Variants in TPRG1L observed in about 807,000 individuals in gnomAD.
TPRG1L encodes tumor protein p63-regulated gene 1-like protein.
In TPRG1L, 25 loss-of-function variants were observed where a neutral mutation model predicts 29.4. That is an observed-to-expected ratio of 0.85 (90% CI 0.62 to 1.19). TPRG1L has a LOEUF of 1.19. Among genes scored for constraint, TPRG1L ranks in the 50% most tolerant of loss-of-function variants. The pLI, the probability that TPRG1L is intolerant of heterozygous loss-of-function variation, is 0.00. For synonymous variants in TPRG1L, 182 were observed against 151.1 expected (o/e 1.20, Z -1.50); for missense variants, 354 against 364.4 (o/e 0.97, Z 0.23).
intron 4 of TPRG1L, among the ~76,000 whole-genome samples, chr1:3,628,082 C>T (rs1644501807): frequency 6.6e-6 from 1 of 152,230 alleles, no homozygotes; most frequent in Non-Finnish European, 1.5e-5. Context: ...ACTTCCCCAG[C>T]TGTGTGCCTC....
chr1:3,625,179 C>T lies in TPRG1L; in HGVS notation c.107C>T (p.Pro36Leu). The change falls in exon 1 of 5, where the codon CCG (proline) becomes CTG (leucine). Residue 36 changes from proline (P) to leucine (L), a missense_variant. Physicochemically the swap from Pro to Leu is moderately conservative, Grantham distance 98. Transcript: ENST00000378344. Reference protein sequence around the residue: ...GAGGGPGGGRPGAGTPLRQTL... With the variant: ...GAGGGPGGGRLGAGTPLRQTL... ...GGCGGCGGCCCGGGCGGGGGGCGGC[C>T]GGGGGCGGGGACGCCGCTGCGCCAG... is the stretch of plus-strand genomic sequence containing the variant. 8.1e-7 allele frequency: 1 copy of T among 1,241,098 alleles called. No individual in the cohort carries two copies. Among genetic ancestry groups the T allele is most frequent in the Admixed American group, 4.4e-5 (1 of 22,754 alleles). 76.9% of individuals were successfully genotyped at this position (1,241,098 alleles called of 1,614,324 possible).
chr1:3,626,586 T>C (rs992601338), intron 3 of TPRG1L, among the ~76,000 whole-genome samples: 5 of 102,292 alleles, frequency 4.9e-5, no homozygotes, highest in East Asian at 2.1e-4. Context: ...AATTATTCCC[T>C]TTTTTTTTTT....
chr1:3,626,030 A>C, intron 3 of TPRG1L, 141 bp downstream of exon 3: 1 of 831,178 alleles, frequency 1.2e-6, no homozygotes, highest in Non-Finnish European at 1.8e-6. Flanking sequence ...TCCAAATATC[A>C]ATGGGAAGTT....
chr1:3,625,321 G>C (rs1644475621), intron 1 of TPRG1L, 48 bp downstream of exon 1: 3 of 1,496,674 alleles, frequency 2.0e-6, no homozygotes, highest in East Asian at 5.3e-5. Flanking sequence ...CGCGGGGCGG[G>C]ATGGGGGCGG....
intron 3 of TPRG1L, among the ~76,000 whole-genome samples, chr1:3,627,157 A>G (rs896644722): frequency 7.9e-5 from 12 of 152,048 alleles, no homozygotes; most frequent in African/African-American, 2.4e-4. Flanking sequence ...CTAAAAATAC[A>G]AAATTAGCTG....
intron 4 of TPRG1L, among the ~76,000 whole-genome samples, chr1:3,628,037 A>G (rs911359886): frequency 2.0e-5 from 3 of 152,162 alleles, no homozygotes; most frequent in Non-Finnish European, 4.4e-5. Flanking sequence ...GGGTTAGAGC[A>G]GAGCCCAGAG....
At chr1:3,625,546 G>A (rs1397106094) in intron 2 of TPRG1L, 31 bp downstream of exon 2, 17 of 1,587,798 alleles carry the variant, frequency 1.1e-5, no homozygotes, top group Non-Finnish European at 1.5e-5. Flanking sequence ...CCTTGGTGGG[G>A]GGACTCGCCC....
At chr1:3,628,260 T>C (rs925922450) in intron 4 of TPRG1L, 149 bp from the exon 5 acceptor site, 2 of 661,756 alleles carry the variant, frequency 3.0e-6, no homozygotes, top group East Asian at 2.8e-5. Flanking sequence ...ACCCCCAGGA[T>C]GTGGCAGAGG....
chr1:3,625,023 C>G lies in TPRG1L; in HGVS notation c.-50C>G, dbSNP rs1274648298. On this transcript the variant is annotated 5_prime_UTR_variant, in exon 1 of 5. Transcript: ENST00000378344. ...GGCCGGGTGGTGGCGGTGGCTGCGG[C>G]GACGGCGGTCGCGTCGGCGTCAGGG... 2 of 1,179,772 alleles carry G rather than the reference C, an allele frequency of 1.7e-6. No individual in the cohort carries two copies. Among genetic ancestry groups the G allele is most frequent in the African/African-American group, 3.2e-5 (2 of 61,584 alleles). 73.1% of individuals were successfully genotyped at this position (1,179,772 alleles called of 1,614,324 possible).
chr1:3,627,220 G>A (rs1382652475), intron 3 of TPRG1L, among the ~76,000 whole-genome samples: 1 of 152,126 alleles, frequency 6.6e-6, no homozygotes, highest in Non-Finnish European at 1.5e-5. Context: ...TGAGTTGGGA[G>A]AATCGCTTGA....
intron 2 of TPRG1L, 23 bp downstream of exon 2, chr1:3,625,538 T>C (rs773153927): frequency 6.3e-7 from 1 of 1,579,968 alleles, no homozygotes; most frequent in African/African-American, 1.4e-5. Context: ...TGCGCTCTCC[T>C]TGGTGGGGGG....
At position 3,628,881 on chromosome 1, in the gene TPRG1L, C is replaced by G. The variant is rs762552825; in HGVS notation, c.*278C>G. 1 of 315,770 alleles carries G rather than the reference C, an allele frequency of 3.2e-6. No homozygotes were observed. Among genetic ancestry groups the G allele is most frequent in the Non-Finnish European group, 5.9e-6 (1 of 170,640 alleles). The allele number at this position is 315,770 out of a possible 1,614,324, so 19.6% of individuals were successfully genotyped here. A position where few individuals can be genotyped will look rare whatever the true frequency, so the allele number is the denominator to read the frequency against. ...CCCTGTGCTGCTGGTATTTCATTCT[C>G]TGTAACTTCAGTTCTGGTGTTTTCC... On this transcript the variant is annotated 3_prime_UTR_variant, in exon 5 of 5. Coordinates refer to ENST00000378344, the MANE Select transcript of TPRG1L (RefSeq NM_182752.4).
chr1:3,625,687 G>A (rs924829688), intron 2 of TPRG1L, 26 bp from the exon 3 acceptor site: 1 of 1,600,926 alleles, frequency 6.2e-7, no homozygotes. Flanking sequence ...GTCCAGTGTG[G>A]ACTGAGGCCC....
rs1644511259 is a variant in TPRG1L, at chr1:3,629,664, A to C, written c.*1061A>C. The C allele has an allele frequency of 6.6e-6, 1 of 152,038 alleles. No homozygotes were observed. The highest frequency in any genetic ancestry group is 6.6e-5 in the Admixed American group (1 of 15,236). 9.4% of individuals were successfully genotyped at this position (152,038 alleles called of 1,614,324 possible). On this transcript the variant is annotated 3_prime_UTR_variant, in exon 5 of 5. Coordinates refer to ENST00000378344, the MANE Select transcript of TPRG1L (RefSeq NM_182752.4). ...CTTGAGCCCAGGAGGCGGAGGTTGC[A>C]GTGAGCTGAGATGGCACCACTTATT... is the stretch of plus-strand genomic sequence containing the variant.
chr1:3,625,592 G>C (rs951108310), intron 2 of TPRG1L, 77 bp downstream of exon 2: 5 of 1,562,750 alleles, frequency 3.2e-6, no homozygotes, highest in African/African-American at 1.3e-5. Flanking sequence ...GGACTTCCCG[G>C]GGTGCTCGTG....
rs1644512927 is a variant in TPRG1L at position 3,629,901 on chromosome 1, A to G, written c.*1298A>G. The G allele has an allele frequency of 6.6e-6, 1 of 152,248 alleles. No homozygotes were observed. Among genetic ancestry groups the G allele is most frequent in the South Asian group, 2.1e-4 (1 of 4,832 alleles). 9.4% of individuals were successfully genotyped at this position (152,248 alleles called of 1,614,324 possible). A position where few individuals can be genotyped will look rare whatever the true frequency, so the allele number is the denominator to read the frequency against. ...TGCGCAGCTTGCTCGTGTGGCTGGA[A>G]GCGCTGTCGATAAGCTTCACGCACT... On this transcript the variant is annotated 3_prime_UTR_variant, in exon 5 of 5. Transcript: ENST00000378344.
chr1:3,627,128 T>C (rs1644495193), intron 3 of TPRG1L, among the ~76,000 whole-genome samples: 1 of 151,884 alleles, frequency 6.6e-6, no homozygotes, highest in African/African-American at 2.4e-5. Context: ...CTGACCAAAA[T>C]GGATAAACCC....
chr1:3,627,717 C>G (rs530327434), intron 4 of TPRG1L, 64 bp downstream of exon 4: 4 of 1,599,806 alleles, frequency 2.5e-6, no homozygotes, highest in Admixed American at 1.7e-5. Context: ...CCCGCAGTCA[C>G]GGAGACACTT....
intron 2 of TPRG1L, 38 bp from the exon 3 acceptor site, chr1:3,625,675 G>A (rs780593149): frequency 6.3e-7 from 1 of 1,589,868 alleles, no homozygotes; most frequent in Non-Finnish European, 8.6e-7. Context: ...CGAGACAGCC[G>A]CGTCCAGTGT....
Sources: allele counts gnomAD v4.1 joint callset (sites outside exome capture counted in the v4.1 genomes callset), GRCh38; gene constraint gnomAD v4.1.1; transcripts MANE v1.5; gene names NCBI Gene and HGNC (gene_info 2026-07-23, HGNC 2026-07-21).